The following PCSK4 variants were observed in gnomAD, a reference collection of about 807,000 sequenced individuals.
The protein encoded by PCSK4 is testicular tissue protein Li 135.
Under a neutral mutation model 80.3 loss-of-function variants are expected in PCSK4, and 64 were observed. That is an observed-to-expected ratio of 0.80 (90% CI 0.65 to 0.98). PCSK4 has a LOEUF of 0.98. Among genes scored for constraint, PCSK4 ranks in the 50% least tolerant of loss-of-function variants. The pLI, the probability that PCSK4 is intolerant of heterozygous loss-of-function variation, is 0.00. For missense variants in PCSK4, 1,213 were observed against 1,093.6 expected, an observed-to-expected ratio of 1.11 and a Z score of -1.54; for synonymous variants, 561 against 487.6, an observed-to-expected ratio of 1.15 and a Z score of -1.98.
chr19:1,489,176 G>C (rs959756902), intron 2 of PCSK4, among the ~76,000 whole-genome samples: 7 of 143,416 alleles, frequency 4.9e-5, no homozygotes, highest in African/African-American at 1.9e-4. Context: ...CTGTCGCCCA[G>C]GCTGGAGTGC....
chr19:1,484,343 C>A (rs1360924076), intron 8 of PCSK4, among the ~76,000 whole-genome samples: 1 of 151,316 alleles, frequency 6.6e-6, no homozygotes, highest in Non-Finnish European at 1.5e-5. Flanking sequence ...AAAAATTAGC[C>A]AGGCATGGTG....
chr19:1,490,314 G>A (rs1054952759), exon 1 of PCSK4: 1 of 1,485,694 alleles, frequency 6.7e-7, no homozygotes, highest in Non-Finnish European at 9.1e-7. Flanking sequence ...CCAAGACCAG[G>A]CGCAGCCACA....
rs746472374 is a variant in PCSK4 at position 1,482,921 on chromosome 19, C to A, written c.1671G>T (p.Glu557Asp). The A allele has an allele frequency of 1.4e-5, 21 of 1,528,548 alleles. No homozygotes were observed. The East Asian group carries it at 5.4e-4, about 40-fold the overall frequency. 94.7% of individuals were successfully genotyped at this position (1,528,548 alleles called of 1,614,324 possible). Residue 557 changes from glutamate (E) to aspartate (D), a missense_variant, in exon 13 of 15, where the codon GAG becomes GAT. Glu to Asp is a conservative substitution (Grantham distance 45). Coordinates refer to ENST00000300954, the Ensembl canonical transcript of PCSK4. ...CCGTGTTGAAATAGTAGCCCTTGTT[C>A]TCTAGGCCCAGGGTCCACACGCCCT...
chr19:1,483,332 A>G (rs763450665), exon 12 of PCSK4: 1 of 1,609,822 alleles, frequency 6.2e-7, no homozygotes, highest in Non-Finnish European at 8.5e-7. Context: ...GGTGAGCGAG[A>G]TCTCCAGGTC....
chr19:1,484,889 A>C (rs1326110156), intron 8 of PCSK4, among the ~76,000 whole-genome samples: 1 of 152,154 alleles, frequency 6.6e-6, no homozygotes, highest in Admixed American at 6.6e-5. Flanking sequence ...TCACGCCTGT[A>C]GTCCCAACAC....
Position 1,490,019 on chromosome 19 carries a change from G to C in PCSK4, c.190-122C>G, listed in dbSNP as rs1372791233. 2.0e-6 allele frequency: 3 copies of C among 1,519,872 alleles called. No individual in the cohort carries two copies. In the East Asian group the frequency reaches 7.4e-5, roughly 37 times the overall value. The allele number at this position is 1,519,872 out of a possible 1,614,324, so 94.1% of individuals were successfully genotyped here. On this transcript the variant is annotated intron_variant, in intron 1 of 14. Coordinates refer to ENST00000300954, the Ensembl canonical transcript of PCSK4. ...CAGGTGCTCTCTGGGAGTCCCAGAAGCTGAGCTTGGCTGAGGCAGGGGTGG... is the reference window on the plus strand; with the variant it reads ...CAGGTGCTCTCTGGGAGTCCCAGAACCTGAGCTTGGCTGAGGCAGGGGTGG...
chr19:1,487,761 G>A (rs770214134), intron 5 of PCSK4, 24 bp downstream of exon 5: 9 of 1,555,998 alleles, frequency 5.8e-6, no homozygotes, highest in Middle Eastern at 1.7e-4. Context: ...GGCTTCCCCC[G>A]TGTGCTGTGG....
exon 15 of PCSK4, chr19:1,481,693 G>T: frequency 8.7e-7 from 1 of 1,150,416 alleles, no homozygotes; most frequent in Non-Finnish European, 1.2e-6. Context: ...GCCTGGGGAG[G>T]CAGCATGGCA....
Position 1,486,954 on chromosome 19 carries a change from C to T in PCSK4, c.967G>A (p.Gly323Ser), listed in dbSNP as rs1052171084. ...ACGCGGCCCTGCTGGGTGGTGCTGC[C>T]CACGGAAAGCGTGTGGATGCTGTTG... The change falls in exon 8 of 15, where the codon GGC (glycine) becomes AGC (serine). Residue 323 changes from glycine to serine, a missense_variant. Coordinates refer to ENST00000300954, the Ensembl canonical transcript of PCSK4. 4 of 1,608,080 alleles carry T rather than the reference C, an allele frequency of 2.5e-6. No individual in the cohort carries two copies. The Admixed American group carries it at 6.7e-5, about 27-fold the overall frequency.
exon 15 of PCSK4, chr19:1,481,653 C>G: frequency 1.4e-6 from 1 of 704,768 alleles, no homozygotes; most frequent in Non-Finnish European, 2.2e-6. Context: ...GGCCAGGCGT[C>G]GGGTGCTGGT....
In PCSK4 at chr19:1,488,270, A is replaced by C. The variant is rs1201639674; in HGVS notation, c.305T>G (p.Phe102Cys). The change falls in exon 3 of 15, where the codon TTC (phenylalanine) becomes TGC (cysteine). Residue 102 changes from phenylalanine (F) to cysteine (C), a missense_variant. By Grantham distance (205) the Phe-to-Cys change is radical. Coordinates refer to ENST00000300954, the Ensembl canonical transcript of PCSK4. ...CCGCCGCTGCAGCGTCTGCTGCTGG[A>C]ACCACTGCACCTGCAGAGCAGAGGG... is the stretch of plus-strand genomic sequence containing the variant. 3.1e-6 allele frequency: 5 copies of C among 1,612,726 alleles called. 1 individual carries two copies. The highest frequency in any genetic ancestry group is 3.3e-4 in the Middle Eastern group (2 of 6,034).
Position 1,483,919 on chromosome 19 carries a change from T to A in PCSK4, c.1192A>T (p.Met398Leu). The A allele has an allele frequency of 1.4e-6, 2 of 1,480,940 alleles. No individual in the cohort carries two copies. Among genetic ancestry groups the A allele is most frequent in the Middle Eastern group, 2.3e-4 (1 of 4,320 alleles). 91.7% of individuals were successfully genotyped at this position (1,480,940 alleles called of 1,614,324 possible). The stretch of plus-strand genomic sequence containing the variant: ...GACGCGCGGACCACCAGGTGCTGCA[T>A]GTCTCTCCACGTCAGGAACGGGCTG... Residue 398 changes from methionine to leucine, a missense_variant, in exon 10 of 15, where the codon ATG becomes TTG. Physicochemically the swap from Met to Leu is conservative, Grantham distance 15 (BLOSUM62 2). Transcript: ENST00000300954.
intron 1 of PCSK4, 28 bp from the exon 2 acceptor site, chr19:1,489,925 G>A (rs761727073): frequency 6.3e-7 from 1 of 1,578,408 alleles, no homozygotes; most frequent in Middle Eastern, 2.0e-4. Flanking sequence ...CGGCCGCACC[G>A]ATGGGACCCG....
chr19:1,482,094 C>G (rs1410862797), exon 15 of PCSK4: 1 of 1,549,826 alleles, frequency 6.5e-7, no homozygotes, highest in Non-Finnish European at 8.7e-7. Context: ...ACCCTCAGCG[C>G]GGGCGCCGCC....
At chr19:1,482,730 T>G (rs1372015455) in intron 13 of PCSK4, 166 bp downstream of exon 13, 1 of 797,102 alleles carries the variant, frequency 1.3e-6, no homozygotes, top group Non-Finnish European at 2.0e-6. Flanking sequence ...GTGCCTGTCA[T>G]TGCACACCAT....
intron 6 of PCSK4, 70 bp downstream of exon 6, chr19:1,487,533 C>T: frequency 7.3e-7 from 1 of 1,372,496 alleles, no homozygotes; most frequent in African/African-American, 1.4e-5. Flanking sequence ...GTCCTTGGGC[C>T]CAGCTCCCCG....
At chr19:1,487,825 G>A (rs965687510) in exon 5 of PCSK4, 1 of 1,571,060 alleles carries the variant, frequency 6.4e-7, no homozygotes. Flanking sequence ...TGGGGGTCCG[G>A]GTCGTAGTCA....
At chr19:1,488,312 C>T (rs775965915) in intron 2 of PCSK4, 32 bp from the exon 3 acceptor site, 50 of 1,562,676 alleles carry the variant, frequency 3.2e-5, no homozygotes, top group Non-Finnish European at 4.1e-5. Flanking sequence ...AGGCCTGTCC[C>T]CTGCTCGCCC....
At chr19:1,487,168 G>T in exon 7 of PCSK4, 1 of 1,606,818 alleles carries the variant, frequency 6.2e-7, no homozygotes. Context: ...GGAAGGCCTC[G>T]CGGGTGAGGA....
Sources: allele counts gnomAD v4.1 joint callset (sites outside exome capture counted in the v4.1 genomes callset), GRCh38; gene constraint gnomAD v4.1.1; transcripts MANE v1.5; gene names NCBI Gene and HGNC (gene_info 2026-07-23, HGNC 2026-07-21).